The following HDAC9 variants were observed in gnomAD, a reference collection of about 807,000 sequenced individuals.
HDAC9 encodes the protein histone deacetylase 9.
HDAC9 carries 41 observed loss-of-function variants against 139.4 expected under a neutral mutation model. The observed-to-expected ratio is 0.29, with a 90% CI of 0.23 to 0.38. The LOEUF (loss-of-function observed/expected upper bound fraction) is 0.38. HDAC9 is among the 10% of genes least tolerant of loss of function. The pLI is 1.00. For missense variants in HDAC9, 1,147 were observed against 1,297.0 expected, an observed-to-expected ratio of 0.88 and a Z score of 1.78; for synonymous variants, 517 against 476.2, an observed-to-expected ratio of 1.09 and a Z score of -1.12.
intron 24 of HDAC9, among the ~76,000 whole-genome samples, chr7:18,957,942 C>A (rs1034957503): frequency 2.6e-5 from 4 of 152,146 alleles, no homozygotes. Flanking sequence ...AACATTCAGG[C>A]AAGTCTCTAG....
chr7:18,673,499 C>G (rs1357738473), intron 12 of HDAC9, among the ~76,000 whole-genome samples: 1 of 151,894 alleles, frequency 6.6e-6, no homozygotes, highest in Non-Finnish European at 1.5e-5. Context: ...TATTAATATT[C>G]CATGTCTATT....
chr7:18,378,078 G>A (rs1029534931), intron 1 of HDAC9, among the ~76,000 whole-genome samples: 36 of 152,124 alleles, frequency 2.4e-4, no homozygotes, highest in African/African-American at 8.4e-4. Flanking sequence ...TGAAGTGCTC[G>A]AAGGGTTTTG....
chr7:18,726,025 A>G (rs1307536549), intron 12 of HDAC9, among the ~76,000 whole-genome samples: 1 of 152,216 alleles, frequency 6.6e-6, no homozygotes, highest in Non-Finnish European at 1.5e-5. Context: ...CATACACATT[A>G]GTTATAACCT....
chr7:18,669,113 G>A (rs1200599135), intron 12 of HDAC9, among the ~76,000 whole-genome samples: 2 of 151,492 alleles, frequency 1.3e-5, no homozygotes, highest in Non-Finnish European at 3.0e-5. Flanking sequence ...TTCATGATAT[G>A]TTATCATGTT....
chr7:18,732,726 C>G (rs1437429377), intron 13 of HDAC9, among the ~76,000 whole-genome samples: 3 of 112,616 alleles, frequency 2.7e-5, no homozygotes, highest in Non-Finnish European at 5.3e-5. Flanking sequence ...TGTACACACA[C>G]ACACGTGTAT....
chr7:18,936,689 GTGT>G (rs1382423066), intron 23 of HDAC9, among the ~76,000 whole-genome samples: 1 of 152,118 alleles, frequency 6.6e-6, no homozygotes, highest in East Asian at 1.9e-4. Context: ...TTATACAGTA[GTGT>G]TAAGACTATC....
At chr7:18,646,814 A>T (rs1042923249) in intron 9 of HDAC9, among the ~76,000 whole-genome samples, 1 of 152,158 alleles carries the variant, frequency 6.6e-6, no homozygotes, top group Non-Finnish European at 1.5e-5. Context: ...GCTATTGATG[A>T]TATAATTATT....
chr7:18,184,925 T>C (rs1302910041), intron 2 of HDAC9, among the ~76,000 whole-genome samples: 2 of 152,232 alleles, frequency 1.3e-5, no homozygotes. Context: ...TGCCTTAGTC[T>C]GTATCCTGCA....
In HDAC9 at chr7:18,874,005, T is replaced by TG. The variant is rs201786899; in HGVS notation, c.2685-473_2685-472insG. Among the ~76,000 whole-genome samples the TG allele has an allele frequency of 5.3e-3, 803 of 152,164 alleles. 11 individuals are homozygous for TG. Among genetic ancestry groups the TG allele is most frequent in the African/African-American group, 0.018 (759 of 41,516 alleles). ...CCATGATAAATATTTAAAAATGTTT[T>TG]TTTTTTTTTTAAGTTGGGAAAGCAA... On this transcript the variant is annotated intron_variant, in intron 21 of 25. Transcript: ENST00000686413.
chr7:18,683,000 T>G (rs1371986962), intron 12 of HDAC9, among the ~76,000 whole-genome samples: 1 of 151,838 alleles, frequency 6.6e-6, no homozygotes, highest in Non-Finnish European at 1.5e-5. Flanking sequence ...AAAAAAAATT[T>G]AAAGACAATT....
At chr7:18,648,437 C>A in intron 10 of HDAC9, 29 bp from the exon 11 acceptor site, 1 of 1,369,454 alleles carries the variant, frequency 7.3e-7, no homozygotes, top group Non-Finnish European at 1.0e-6. Flanking sequence ...TGTGTGTATA[C>A]ACACATATAC....
At chr7:18,453,243 A>T (rs1461976112) in intron 1 of HDAC9, among the ~76,000 whole-genome samples, 1 of 152,100 alleles carries the variant, frequency 6.6e-6, no homozygotes, top group Non-Finnish European at 1.5e-5. Context: ...TGTATTTCTT[A>T]TACTGTATTA....
intron 1 of HDAC9, among the ~76,000 whole-genome samples, chr7:18,311,290 G>C (rs1799302958): frequency 6.6e-6 from 1 of 151,948 alleles, no homozygotes; most frequent in Admixed American, 6.6e-5. Context: ...TGAAAAAATT[G>C]AGATTTGGTA....
chr7:18,390,155 G>C (rs1003571025), intron 1 of HDAC9, among the ~76,000 whole-genome samples: 1 of 150,828 alleles, frequency 6.6e-6, no homozygotes, highest in Non-Finnish European at 1.5e-5. Context: ...ACATTTATTT[G>C]TTCAAAGGTT....
At chr7:18,598,000 A>G (rs1832937343) in intron 6 of HDAC9, among the ~76,000 whole-genome samples, 1 of 152,200 alleles carries the variant, frequency 6.6e-6, no homozygotes. Flanking sequence ...GAAGGCAGAG[A>G]TTAGATATGT....
intron 2 of HDAC9, among the ~76,000 whole-genome samples, chr7:18,557,313 C>T (rs1819103859): frequency 1.4e-5 from 2 of 147,634 alleles, no homozygotes; most frequent in Admixed American, 1.4e-4. Flanking sequence ...TATCCTGGGG[C>T]TTTGACAACT....
chr7:18,767,544 C>A (rs1023462050), intron 16 of HDAC9, among the ~76,000 whole-genome samples: 2 of 152,178 alleles, frequency 1.3e-5, no homozygotes, highest in South Asian at 4.1e-4. Context: ...ACATTGAGTA[C>A]GCACATACAT....
intron 1 of HDAC9, among the ~76,000 whole-genome samples, chr7:18,357,969 A>G (rs1365157027): frequency 6.6e-6 from 1 of 152,172 alleles, no homozygotes; most frequent in African/African-American, 2.4e-5. Flanking sequence ...TTTTGATAGG[A>G]TTATTCTGGT....
intron 22 of HDAC9, among the ~76,000 whole-genome samples, chr7:18,879,383 G>T (rs1799555777): frequency 6.6e-6 from 1 of 152,080 alleles, no homozygotes; most frequent in South Asian, 2.1e-4. Context: ...AGCATAGCTG[G>T]AGGCATCATG....
Sources: allele counts gnomAD v4.1 joint callset (sites outside exome capture counted in the v4.1 genomes callset), GRCh38; gene constraint gnomAD v4.1.1; transcripts MANE v1.5; gene names NCBI Gene and HGNC (gene_info 2026-07-23, HGNC 2026-07-21).